The following PDS5B variants were observed in gnomAD, a reference collection of about 807,000 sequenced individuals.
PDS5B encodes sister chromatid cohesion protein PDS5 homolog B.
PDS5B carries 51 observed loss-of-function variants against 184.1 expected under a neutral mutation model. That is an observed-to-expected ratio of 0.28 (90% CI 0.22 to 0.35). PDS5B has a LOEUF of 0.35. Among genes scored for constraint, PDS5B ranks in the 10% least tolerant of loss-of-function variants. The pLI is 1.00. For missense variants in PDS5B, 1,180 were observed against 1,723.3 expected (o/e 0.68, Z 5.58); for synonymous variants, 566 against 569.2 (o/e 0.99, Z 0.08).
At chr13:32,683,729 T>C in intron 10 of PDS5B, 149 bp from the exon 11 acceptor site, 1 of 542,558 alleles carries the variant, frequency 1.8e-6, no homozygotes, top group East Asian at 3.5e-5. Context: ...ATCTTCTTTC[T>C]TCCTTCCCTT....
chr13:32,603,582 G>A (rs979969345), intron 1 of PDS5B, among the ~76,000 whole-genome samples: 7 of 152,158 alleles, frequency 4.6e-5, no homozygotes, highest in Non-Finnish European at 8.8e-5. Flanking sequence ...AATGTGGGCT[G>A]TTTTGTGGTT....
intron 19 of PDS5B, among the ~76,000 whole-genome samples, chr13:32,730,686 G>A (rs907323821): frequency 6.6e-5 from 10 of 152,022 alleles, no homozygotes; most frequent in African/African-American, 9.7e-5. Context: ...GTATTCCTAG[G>A]TATTTTATTT....
At chr13:32,769,302 A>G (rs1490320474) in intron 31 of PDS5B, among the ~76,000 whole-genome samples, 1 of 152,226 alleles carries the variant, frequency 6.6e-6, no homozygotes, top group Non-Finnish European at 1.5e-5. Context: ...AGCTCAATTT[A>G]AAGTTAGAAA....
At position 32,710,245 on chromosome 13, in the gene PDS5B, T is replaced by G. The variant is rs558510997; in HGVS notation, c.2123+139T>G. 3 of 530,448 alleles carry G rather than the reference T, an allele frequency of 5.7e-6. No individual in the cohort carries two copies. In the African/African-American group the frequency reaches 5.8e-5, roughly 10 times the overall value. The allele number at this position is 530,448 out of a possible 1,614,324, so 32.9% of individuals were successfully genotyped here. On this transcript the variant is annotated intron_variant, in intron 19 of 34. Coordinates refer to ENST00000315596, the MANE Select transcript of PDS5B (RefSeq NM_015032.4). ...TTAAGTCTGTAATGTTCAGTTTAGATTCTCCTTTCCTGGGAGAAAGCTTTG... is the reference window on the plus strand; with the variant it reads ...TTAAGTCTGTAATGTTCAGTTTAGAGTCTCCTTTCCTGGGAGAAAGCTTTG...
At chr13:32,754,294 C>G (rs1010829303) in intron 25 of PDS5B, among the ~76,000 whole-genome samples, 4 of 152,104 alleles carry the variant, frequency 2.6e-5, no homozygotes, top group Admixed American at 2.0e-4. Context: ...TCTGTTGATT[C>G]TCTGTTGCTT....
At position 32,635,925 on chromosome 13, in the gene PDS5B, C is replaced by T. The variant is rs539956259; in HGVS notation, c.-19-12829C>T. ...CTGGGACTACAAGTGCCCGCCACCA[C>T]GCCTGGCTAATTTTTTTGTATTTTT... On this transcript the variant is annotated intron_variant, in intron 1 of 34. Transcript: ENST00000315596. Among the ~76,000 whole-genome samples the T allele has an allele frequency of 3.0e-4, 45 of 151,906 alleles. 1 individual carries two copies. The highest frequency in any genetic ancestry group is 5.3e-4 in the African/African-American group (22 of 41,426).
chr13:32,693,441 T>C (rs1210476871), intron 13 of PDS5B, among the ~76,000 whole-genome samples: 1 of 151,842 alleles, frequency 6.6e-6, no homozygotes, highest in Non-Finnish European at 1.5e-5. Flanking sequence ...TTAAACGATG[T>C]TCTTTGTCTA....
intron 3 of PDS5B, among the ~76,000 whole-genome samples, chr13:32,652,757 T>G (rs1593341846): frequency 7.1e-6 from 1 of 141,158 alleles, no homozygotes; most frequent in South Asian, 2.3e-4. Context: ...CCATCTCTAT[T>G]AAAAAAAAAA....
At chr13:32,762,676 C>A (rs1242253831) in intron 30 of PDS5B, among the ~76,000 whole-genome samples, 1 of 152,044 alleles carries the variant, frequency 6.6e-6, no homozygotes, top group African/African-American at 2.4e-5. Flanking sequence ...GACTCTTCCC[C>A]CCTCTATATT....
intron 20 of PDS5B, among the ~76,000 whole-genome samples, chr13:32,733,873 A>G (rs143912898): frequency 3.4e-4 from 52 of 152,200 alleles, no homozygotes; most frequent in African/African-American, 1.2e-3. Context: ...AAGTAAGGGC[A>G]TGTAAATATG....
chr13:32,604,513 G>A (rs889899139), intron 1 of PDS5B, among the ~76,000 whole-genome samples: 2 of 152,220 alleles, frequency 1.3e-5, no homozygotes, highest in Admixed American at 6.5e-5. Flanking sequence ...ATGTTCATCA[G>A]GGATATTGGT....
intron 17 of PDS5B, among the ~76,000 whole-genome samples, chr13:32,701,685 A>G (rs1951867557): frequency 6.6e-6 from 1 of 151,930 alleles, no homozygotes; most frequent in African/African-American, 2.4e-5. Flanking sequence ...ATTTATCTTA[A>G]TTTTAAGGAT....
chr13:32,754,518 G>A (rs1954101783), intron 25 of PDS5B, among the ~76,000 whole-genome samples: 1 of 152,110 alleles, frequency 6.6e-6, no homozygotes, highest in African/African-American at 2.4e-5. Context: ...CAAGGAACAT[G>A]GTTGACACCT....
At chr13:32,678,003 G>A (rs1428191308) in intron 9 of PDS5B, among the ~76,000 whole-genome samples, 1 of 151,518 alleles carries the variant, frequency 6.6e-6, no homozygotes, top group African/African-American at 2.4e-5. Flanking sequence ...TGGTATTTTG[G>A]TAGTCTGGCA....
intron 24 of PDS5B, among the ~76,000 whole-genome samples, chr13:32,750,273 T>C (rs1002201681): frequency 1.3e-5 from 2 of 152,190 alleles, no homozygotes; most frequent in African/African-American, 4.8e-5. Flanking sequence ...CCTGAATGAT[T>C]AGTCAGAGAG....
Position 32,598,770 on chromosome 13 carries a change from C to CTTT in PDS5B, c.-20+12193_-20+12195dup, listed in dbSNP as rs756301581. Among the ~76,000 whole-genome samples the CTTT allele has an allele frequency of 8.1e-3, 1,018 of 126,318 alleles. 25 individuals carry two copies. The highest frequency in any genetic ancestry group is 0.015 in the African/African-American group (502 of 34,044). 82.9% of individuals were successfully genotyped at this position (126,318 alleles called of 152,430 possible). On this transcript the variant is annotated intron_variant, in intron 1 of 34. Coordinates refer to ENST00000315596, the MANE Select transcript of PDS5B (RefSeq NM_015032.4). ...TCTCAGTTGATGGTTTTTTTTCTCT[C>CTTT]TTTTTTTTTTTTTTTTTTGAGACAG...
intron 21 of PDS5B, among the ~76,000 whole-genome samples, chr13:32,739,774 T>G (rs1271281699): frequency 1.4e-5 from 2 of 142,192 alleles, no homozygotes; most frequent in South Asian, 2.5e-4. Flanking sequence ...TTATTTGGTG[T>G]TGTAAGATAA....
At chr13:32,616,148 G>A (rs2058215873) in intron 1 of PDS5B, among the ~76,000 whole-genome samples, 2 of 151,846 alleles carry the variant, frequency 1.3e-5, no homozygotes, top group African/African-American at 2.4e-5. Flanking sequence ...CTGCCTCCTG[G>A]GTTCAAGCGA....
intron 23 of PDS5B, among the ~76,000 whole-genome samples, chr13:32,745,655 T>G (rs1357458500): frequency 6.6e-6 from 1 of 152,090 alleles, no homozygotes; most frequent in Non-Finnish European, 1.5e-5. Flanking sequence ...CTCTCCAGGG[T>G]TGCAGACTGC....
Sources: gnomAD v4.1 joint callset for allele counts (sites outside exome capture counted in the v4.1 genomes callset) on GRCh38, gnomAD v4.1.1 for gene constraint, MANE v1.5 for transcripts, NCBI Gene and HGNC (gene_info 2026-07-23, HGNC 2026-07-21) for gene names.